Variants in SHPRH observed in about 807,000 individuals in gnomAD.
SHPRH encodes the protein E3 ubiquitin-protein ligase SHPRH.
A neutral mutation model predicts 202.5 loss-of-function variants in SHPRH; 106 were observed. The ratio of observed to expected loss-of-function variants is 0.52; its 90% CI spans 0.45 to 0.62. The LOEUF (loss-of-function observed/expected upper bound fraction) is 0.62. Among genes scored for constraint, SHPRH ranks in the 20% least tolerant of loss-of-function variants. The pLI, the probability that SHPRH is intolerant of heterozygous loss-of-function variation, is 0.00. For missense variants in SHPRH, 1,710 were observed against 2,020.0 expected (o/e 0.85, Z 2.94); for synonymous variants, 729 against 686.0 (o/e 1.06, Z -0.98).
chr6:145,948,821 A>T (rs1787673134), intron 4 of SHPRH, among the ~76,000 whole-genome samples: 1 of 151,992 alleles, frequency 6.6e-6, no homozygotes, highest in Admixed American at 6.6e-5. Context: ...AGAAAGGCTT[A>T]CTTAACTGGG....
chr6:145,878,993 T>A (rs1049003328), intron 2 of SHPRH, among the ~76,000 whole-genome samples: 5 of 152,348 alleles, frequency 3.3e-5, no homozygotes, highest in African/African-American at 1.2e-4. Flanking sequence ...AAAAGATTTA[T>A]ATGAATTTGG....
chr6:145,948,279 T>A lies in SHPRH; in HGVS notation c.1054A>T (p.Thr352Ser), dbSNP rs1479720989. 3.8e-6 allele frequency: 6 copies of A among 1,592,626 alleles called. No individual in the cohort carries two copies. The highest frequency in any genetic ancestry group is 5.1e-6 in the Non-Finnish European group (6 of 1,169,482). The change falls in exon 5 of 30, where the codon ACA (threonine) becomes TCA (serine). Residue 352 changes from threonine to serine, a missense_variant. By Grantham distance (58) the Thr-to-Ser change is moderately conservative (BLOSUM62 1). Coordinates refer to ENST00000275233, the MANE Select transcript of SHPRH (RefSeq NM_001042683.3). ...AGTAAAATTTTGCCTTACCAGCCTGTATATGGATTATAGTAGAGTTTCAGA... is the reference window on the plus strand; with the variant it reads ...AGTAAAATTTTGCCTTACCAGCCTGAATATGGATTATAGTAGAGTTTCAGA... ...EGLKLYYNPYTGCIIREYPNS... is the reference protein window; with the variant it reads ...EGLKLYYNPYSGCIIREYPNS...
chr6:145,888,117 A>G lies in SHPRH; in HGVS notation c.4875-17T>C, dbSNP rs143556876. ...ATAGTAGGTCTAAAAGGTACAGAAG[A>G]ATTTTAAGCTTAAAAACATAGTAAA... On this transcript the variant is annotated splice_polypyrimidine_tract_variant and intron_variant, in intron 28 of 29. Transcript: ENST00000275233. 6.1e-4 allele frequency: 957 copies of G among 1,561,392 alleles called. 1 individual carries two copies. The highest frequency in any genetic ancestry group is 2.7e-3 in the Middle Eastern group (16 of 5,914).
chr6:145,943,151 G>A lies in SHPRH; in HGVS notation c.2230C>T (p.Arg744Ter), dbSNP rs1467998334. ...INRHVRSSSL[R>*]VLVYQGVKKD... is the part of the protein sequence containing the mutation. Reference sequence around the variant, plus strand: ...AGTCCAAGTGGCCTTACCAAGACTCGAAGAGATGACGACCTCACATGCCTG... The same window carrying A: ...AGTCCAAGTGGCCTTACCAAGACTCAAAGAGATGACGACCTCACATGCCTG... Residue 744 changes from arginine (R) to a stop codon, truncating the protein, a stop_gained, in exon 9 of 30, where the codon CGA becomes TGA. Coordinates refer to ENST00000275233, the MANE Select transcript of SHPRH (RefSeq NM_001042683.3). LOFTEE classifies it high-confidence loss of function. 2.5e-6 allele frequency: 4 copies of A among 1,590,708 alleles called. No homozygotes were observed. Among genetic ancestry groups the A allele is most frequent in the African/African-American group, 2.7e-5 (2 of 74,224 alleles).
At chr6:145,876,351 G>T (rs748737623) in intron 2 of SHPRH, among the ~76,000 whole-genome samples, 11 of 152,122 alleles carry the variant, frequency 7.2e-5, no homozygotes, top group Non-Finnish European at 1.6e-4. Context: ...TCCCATCTGG[G>T]TGACAGAGTG....
intron 28 of SHPRH, among the ~76,000 whole-genome samples, chr6:145,890,822 C>A (rs1781506618): frequency 6.6e-6 from 1 of 152,132 alleles, no homozygotes; most frequent in South Asian, 2.1e-4. Context: ...TTGTCCAAGC[C>A]AAAACCCATG....
intron 1 of SHPRH, among the ~76,000 whole-genome samples, chr6:145,960,342 T>C (rs1170664227): frequency 2.0e-5 from 3 of 152,166 alleles, no homozygotes. Context: ...AGAAATATAC[T>C]ACACCTCTTT....
At chr6:145,898,751 A>C (rs1782232153) in intron 25 of SHPRH, among the ~76,000 whole-genome samples, 1 of 152,228 alleles carries the variant, frequency 6.6e-6, no homozygotes, top group Admixed American at 6.5e-5. Flanking sequence ...GCAACAAGGA[A>C]GCCCTCACCA....
intron 28 of SHPRH, among the ~76,000 whole-genome samples, chr6:145,888,885 G>T (rs1781343715): frequency 6.6e-6 from 1 of 152,146 alleles, no homozygotes; most frequent in Non-Finnish European, 1.5e-5. Flanking sequence ...CTTAAAAGAT[G>T]ACTGGCATGT....
At chr6:145,925,754 A>G (rs1390407659) in intron 16 of SHPRH, among the ~76,000 whole-genome samples, 1 of 151,964 alleles carries the variant, frequency 6.6e-6, no homozygotes, top group Non-Finnish European at 1.5e-5. Context: ...CTTTTCAAAA[A>G]GAGGCGACAC....
rs769535152 is a variant in SHPRH at position 145,941,814 on chromosome 6, T to C, written c.2299A>G (p.Ile767Val). The C allele has an allele frequency of 1.9e-6, 3 of 1,613,974 alleles. No homozygotes were observed. The highest frequency in any genetic ancestry group is 2.5e-6 in the Non-Finnish European group (3 of 1,179,938). The change falls in exon 10 of 30, where the codon ATA becomes GTA. Residue 767 changes from isoleucine to valine, a missense_variant. Transcript: ENST00000275233. ...AGTACATCATAGGTAATGATAACTA[T>C]ATCCTGTTCTGCCAAAAAATGAGGT... ...LQPHFLAEQDIVIITYDVLRS... is the reference protein window; with the variant it reads ...LQPHFLAEQDVVIITYDVLRS...
intron 23 of SHPRH, among the ~76,000 whole-genome samples, chr6:145,915,102 T>C (rs1027351535): frequency 2.0e-5 from 3 of 147,514 alleles, no homozygotes. Context: ...AATAAACTTA[T>C]AAATAAATTT....
intron 25 of SHPRH, among the ~76,000 whole-genome samples, chr6:145,900,012 T>C (rs1042513368): frequency 6.6e-6 from 1 of 152,094 alleles, no homozygotes; most frequent in African/African-American, 2.4e-5. Flanking sequence ...TAAGTATTGG[T>C]GAGAAGGTGG....
chr6:145,942,965 A>G (rs769869156), intron 9 of SHPRH, among the ~76,000 whole-genome samples, 178 bp downstream of exon 9: 2 of 152,226 alleles, frequency 1.3e-5, no homozygotes, highest in Non-Finnish European at 2.9e-5. Context: ...GAAAAGAATA[A>G]CATTGTACTG....
At chr6:145,961,577 T>C (rs1409078217) in intron 1 of SHPRH, among the ~76,000 whole-genome samples, 2 of 152,246 alleles carry the variant, frequency 1.3e-5, no homozygotes, top group East Asian at 3.8e-4. Flanking sequence ...TTCAACTATT[T>C]ATTCTGTTCT....
intron 23 of SHPRH, among the ~76,000 whole-genome samples, chr6:145,916,813 C>T (rs1406389423): frequency 6.6e-6 from 1 of 151,652 alleles, no homozygotes; most frequent in Non-Finnish European, 1.5e-5. Context: ...GATGGAATCT[C>T]GCTCTGTCGC....
chr6:145,895,004 T>A, intron 25 of SHPRH, 27 bp from the exon 26 acceptor site: 2 of 1,595,646 alleles, frequency 1.3e-6, no homozygotes, highest in Non-Finnish European at 1.7e-6. Context: ...AAAATACACA[T>A]TACTACTAAA....
At chr6:145,908,930 G>C (rs1783224301) in intron 25 of SHPRH, 1 of 152,074 alleles carries the variant, frequency 6.6e-6, no homozygotes, top group African/African-American at 2.4e-5. Context: ...TTTTGTGTAA[G>C]GTGTAAGGAA....
At chr6:145,866,967 A>G (rs770157041) in intron 2 of SHPRH, among the ~76,000 whole-genome samples, 1 of 152,176 alleles carries the variant, frequency 6.6e-6, no homozygotes, top group Non-Finnish European at 1.5e-5. Context: ...CAGTGAATAT[A>G]AAGATTTGTC....
Sources: gnomAD v4.1 joint callset for allele counts (sites outside exome capture counted in the v4.1 genomes callset) on GRCh38, gnomAD v4.1.1 for gene constraint, MANE v1.5 for transcripts, NCBI Gene and HGNC (gene_info 2026-07-23, HGNC 2026-07-21) for gene names.